Variants in CNTNAP3 observed in about 807,000 individuals in gnomAD.
The protein encoded by CNTNAP3 is contactin associated protein family member 3.
CNTNAP3 carries 36 observed loss-of-function variants against 92.1 expected under a neutral mutation model. The observed-to-expected ratio is 0.39, with a 90% CI of 0.30 to 0.52. CNTNAP3 has a LOEUF of 0.52. CNTNAP3 is among the 20% of genes least tolerant of loss of function. CNTNAP3 has a pLI of 0.76. For missense variants in CNTNAP3, 534 were observed against 1,069.6 expected (o/e 0.50, Z 6.98); for synonymous variants, 232 against 422.3 (o/e 0.55, Z 5.53).
At chr9:39,137,049 GTCA>G (rs1380726604) in intron 12 of CNTNAP3, among the ~76,000 whole-genome samples, 1 of 151,450 alleles carries the variant, frequency 6.6e-6, no homozygotes, top group Admixed American at 6.6e-5. Context: ...GGAATTCTCA[GTCA>G]TTATTTCTTC....
intron 18 of CNTNAP3, among the ~76,000 whole-genome samples, chr9:39,097,512 C>A (rs1048285934): frequency 6.6e-5 from 10 of 152,050 alleles, no homozygotes; most frequent in Non-Finnish European, 1.3e-4. Context: ...CCAGCTGCCA[C>A]ACCTGAAGAC....
chr9:39,124,960 T>G (rs1276199503), intron 13 of CNTNAP3, among the ~76,000 whole-genome samples: 2 of 152,094 alleles, frequency 1.3e-5, no homozygotes, highest in Admixed American at 1.3e-4. Context: ...CGATTCCTCA[T>G]GGATCTAGAA....
intron 18 of CNTNAP3, among the ~76,000 whole-genome samples, chr9:39,093,216 T>C (rs1826249546): frequency 7.6e-6 from 1 of 130,830 alleles, no homozygotes; most frequent in African/African-American, 2.8e-5. Context: ...ATATTATTAT[T>C]GATACAGTTA....
At chr9:39,075,808 A>G (rs1263374170) in intron 23 of CNTNAP3, among the ~76,000 whole-genome samples, 1 of 152,304 alleles carries the variant, frequency 6.6e-6, no homozygotes, top group East Asian at 1.9e-4. Context: ...AGTTTCACTG[A>G]GGTTTCTCCC....
intron 14 of CNTNAP3, among the ~76,000 whole-genome samples, chr9:39,113,884 T>G (rs1820777929): frequency 1.3e-5 from 2 of 151,678 alleles, no homozygotes; most frequent in African/African-American, 2.4e-5. Flanking sequence ...CTTCACTTAC[T>G]CATTCCCAAA....
intron 14 of CNTNAP3, among the ~76,000 whole-genome samples, chr9:39,114,520 G>C (rs1820807128): frequency 6.6e-6 from 1 of 152,050 alleles, no homozygotes; most frequent in Non-Finnish European, 1.5e-5. Flanking sequence ...ACATAATACA[G>C]CTGTATCTGC....
chr9:39,147,100 GC>G (rs1346772749), intron 10 of CNTNAP3, among the ~76,000 whole-genome samples: 1 of 152,160 alleles, frequency 6.6e-6, no homozygotes, highest in Admixed American at 6.5e-5. Context: ...TCTCTTGCAT[GC>G]TGCCATGTAA....
At chr9:39,153,793 A>G (rs1821891297) in intron 9 of CNTNAP3, among the ~76,000 whole-genome samples, 1 of 124,530 alleles carries the variant, frequency 8.0e-6, no homozygotes, top group South Asian at 3.0e-4. Context: ...TACTAACCTC[A>G]GATGATCCAC....
intron 2 of CNTNAP3, among the ~76,000 whole-genome samples, chr9:39,253,014 T>TAC (rs1178975952): frequency 0.073 from 261 of 3,598 alleles, 76 homozygotes; most frequent in African/African-American, 0.076. Context: ...CAACTGAATA[T>TAC]ACACACACAC....
chr9:39,109,923 A>G (rs1470404710), intron 14 of CNTNAP3, among the ~76,000 whole-genome samples: 2 of 152,212 alleles, frequency 1.3e-5, no homozygotes, highest in Non-Finnish European at 2.9e-5. Flanking sequence ...CAGAATATTA[A>G]TTTATCATTA....
intron 18 of CNTNAP3, among the ~76,000 whole-genome samples, chr9:39,097,800 A>G (rs1628999): frequency 2.7e-5 from 4 of 149,066 alleles, no homozygotes; most frequent in African/African-American, 7.4e-5. Context: ...AACTCTCACT[A>G]TTATTACTGA....
chr9:39,113,743 T>A (rs1486523207), intron 14 of CNTNAP3, among the ~76,000 whole-genome samples: 1 of 151,942 alleles, frequency 6.6e-6, no homozygotes, highest in East Asian at 1.9e-4. Context: ...TTCCATCCAT[T>A]TACAAAATTT....
At chr9:39,142,905 T>G (rs368190704) in intron 11 of CNTNAP3, among the ~76,000 whole-genome samples, 4 of 152,010 alleles carry the variant, frequency 2.6e-5, no homozygotes, top group African/African-American at 9.6e-5. Context: ...GAAAATCAAA[T>G]GTCTCACGGA....
In CNTNAP3 at chr9:39,133,035, G is replaced by C. The variant is rs190162126; in HGVS notation, c.1977C>G (p.Tyr659Ter). 1.9e-6 allele frequency: 3 copies of C among 1,547,236 alleles called. No individual in the cohort carries two copies. The highest frequency in any genetic ancestry group is 1.9e-5 in the Admixed American group (1 of 51,496). Residue 659 changes from tyrosine (Y) to a stop codon, truncating the protein, a stop_gained, in exon 13 of 24, where the codon TAC becomes TAG. Coordinates refer to ENST00000297668, the MANE Select transcript of CNTNAP3 (RefSeq NM_033655.5). LOFTEE classifies it high-confidence loss of function. ...ACCGCAGCTGCCCCGCGCCCGCTGC[G>C]TACGCGAAGGACACAGCCGAGCGCG... ...GHPRSAVSFA[Y>*]AAGAGQLRSA...
intron 11 of CNTNAP3, among the ~76,000 whole-genome samples, chr9:39,141,192 C>T (rs565346559): frequency 6.6e-6 from 1 of 152,274 alleles, no homozygotes; most frequent in Non-Finnish European, 1.5e-5. Context: ...GCAACTATAC[C>T]TCAGAATTAA....
At chr9:39,113,969 TATATACACACACAC>T (rs1480832843) in intron 14 of CNTNAP3, among the ~76,000 whole-genome samples, 2 of 144,648 alleles carry the variant, frequency 1.4e-5, no homozygotes, top group Admixed American at 6.8e-5. Flanking sequence ...TCTCTCTCTA[TATATACACACACAC>T]ATATATATAC....
chr9:39,078,965 A>T (rs892203888), intron 21 of CNTNAP3, 45 bp from the exon 22 acceptor site: 19 of 1,447,060 alleles, frequency 1.3e-5, no homozygotes, highest in Admixed American at 2.0e-5. Context: ...AGCGGCGGAG[A>T]TGGGGGCGCA....
chr9:39,114,211 T>C (rs1269879793), intron 14 of CNTNAP3, among the ~76,000 whole-genome samples: 1 of 151,108 alleles, frequency 6.6e-6, no homozygotes, highest in Non-Finnish European at 1.5e-5. Context: ...GCCTCCCGAG[T>C]AGCTGGGACT....
intron 21 of CNTNAP3, among the ~76,000 whole-genome samples, chr9:39,083,367 T>TA (rs1219360428): frequency 3.3e-5 from 5 of 152,174 alleles, no homozygotes; most frequent in Admixed American, 6.5e-5. Flanking sequence ...ATTTTTAAGA[T>TA]AGTGTTTAAG....
Sources: allele counts gnomAD v4.1 joint callset (sites outside exome capture counted in the v4.1 genomes callset), GRCh38; gene constraint gnomAD v4.1.1; transcripts MANE v1.5; gene names NCBI Gene and HGNC (gene_info 2026-07-23, HGNC 2026-07-21).